Variants in CEP295 observed in about 807,000 individuals in gnomAD.
CEP295 encodes the protein centrosomal protein of 295 kDa.
A neutral mutation model predicts 291.6 loss-of-function variants in CEP295; 190 were observed. The ratio of observed to expected loss-of-function variants is 0.65; its 90% CI spans 0.58 to 0.73. CEP295 has a LOEUF of 0.73. Among genes scored for constraint, CEP295 ranks in the 30% least tolerant of loss-of-function variants. CEP295 has a pLI of 0.00. For missense variants in CEP295, 2,863 were observed against 2,949.4 expected, an observed-to-expected ratio of 0.97 and a Z score of 0.68; for synonymous variants, 993 against 1,038.8, an observed-to-expected ratio of 0.96 and a Z score of 0.85.
At position 93,689,690 on chromosome 11, in the gene CEP295, C is replaced by T. The variant is rs1465623956; in HGVS notation, c.1336+1825C>T. ...TAGCTCTTATCAATATCTGATGGGC[C>T]CAGTAAAGTGACTGGTGCTTATTTT... On this transcript the variant is annotated intron_variant, in intron 10 of 29. Transcript: ENST00000325212. Among the ~76,000 whole-genome samples the T allele has an allele frequency of 2.0e-5, 3 of 152,054 alleles. No homozygotes were observed. The East Asian group carries it at 5.8e-4, about 29-fold the overall frequency.
rs180983846 is a variant in CEP295, at chr11:93,697,918, T to C, written c.3006T>C (p.His1002=). The change falls in exon 15 of 30, where the codon CAT becomes CAC. Residue 1002 remains histidine, a synonymous_variant. Coordinates refer to ENST00000325212, the MANE Select transcript of CEP295 (RefSeq NM_033395.2). ...EPSFPFQVAQ[H]TFTSLPSADT... Reference sequence around the variant, plus strand: ...CTTTCCCATTTCAGGTAGCTCAGCATACATTTACTTCACTACCATCTGCTG... The same window carrying C: ...CTTTCCCATTTCAGGTAGCTCAGCACACATTTACTTCACTACCATCTGCTG... The C allele has an allele frequency of 6.4e-7, 1 of 1,551,710 alleles. No homozygotes were observed. The highest frequency in any genetic ancestry group is 1.4e-5 in the African/African-American group (1 of 73,176).
intron 18 of CEP295, among the ~76,000 whole-genome samples, chr11:93,711,670 T>C (rs1232077212): frequency 6.6e-6 from 1 of 152,032 alleles, no homozygotes; most frequent in African/African-American, 2.4e-5. Flanking sequence ...GCTTAGCTAA[T>C]TTTTGTATTT....
At chr11:93,683,885 C>A in intron 8 of CEP295, 79 bp from the exon 9 acceptor site, 5 of 1,472,716 alleles carry the variant, frequency 3.4e-6, no homozygotes, top group Non-Finnish European at 4.6e-6. Flanking sequence ...GAGACATTAC[C>A]GTGGCCTTTG....
rs1397200785 is a variant in CEP295 at position 93,668,963 on chromosome 11, CTG to C, written c.434+32_434+33del. 4.1e-6 allele frequency: 4 copies of C among 966,446 alleles called. No individual in the cohort carries two copies. The African/African-American group carries it at 6.5e-5, about 16-fold the overall frequency. The allele number at this position is 966,446 out of a possible 1,614,324, so 59.9% of individuals were successfully genotyped here. A position where few individuals can be genotyped will look rare whatever the true frequency, so the allele number is the denominator to read the frequency against. ...GTAATAATTTTTACTATAATCTCAACTGAAACTAACATGGTTGAAAGTAGAGG... is the reference window on the plus strand; with the variant it reads ...GTAATAATTTTTACTATAATCTCAACAAACTAACATGGTTGAAAGTAGAGG... On this transcript the variant is annotated intron_variant, in intron 4 of 29. Coordinates refer to ENST00000325212, the MANE Select transcript of CEP295 (RefSeq NM_033395.2).
intron 9 of CEP295, among the ~76,000 whole-genome samples, chr11:93,686,766 A>G (rs1951263573): frequency 6.6e-6 from 1 of 152,192 alleles, no homozygotes; most frequent in Admixed American, 6.5e-5. Context: ...TAGTCCTGGT[A>G]ATGTTCCACA....
At position 93,687,647 on chromosome 11, in the gene CEP295, C is replaced by G; in HGVS notation, c.1118C>G (p.Pro373Arg). ...AEICSSETDV[P>R]LVMKTQQIPS... Reference sequence around the variant, plus strand: ...TTTCCCTTTTTCTTTCTTTTAGTTCCCTTGGTAATGAAGACCCAACAGATT... The same window carrying G: ...TTTCCCTTTTTCTTTCTTTTAGTTCGCTTGGTAATGAAGACCCAACAGATT... Residue 373 changes from proline (P) to arginine (R), a missense_variant, in exon 10 of 30, where the codon CCC (proline) becomes CGC (arginine). This residue lies in a region of CEP295 where 554 missense variants were observed against 576.0 expected (regional missense o/e 0.96). Transcript: ENST00000325212. 6.7e-7 allele frequency: 1 copy of G among 1,487,252 alleles called. No homozygotes were observed. Among genetic ancestry groups the G allele is most frequent in the Non-Finnish European group, 9.1e-7 (1 of 1,101,102 alleles). The allele number at this position is 1,487,252 out of a possible 1,614,324, so 92.1% of individuals were successfully genotyped here.
intron 5 of CEP295, among the ~76,000 whole-genome samples, chr11:93,671,460 A>G (rs1350253206): frequency 2.0e-5 from 3 of 152,088 alleles, no homozygotes; most frequent in Non-Finnish European, 4.4e-5. Context: ...CTCCATGAGC[A>G]TTTCCTTGCT....
chr11:93,702,886 G>A lies in CEP295; in HGVS notation c.5563G>A (p.Glu1855Lys). 1 of 1,551,314 alleles carries A rather than the reference G, an allele frequency of 6.4e-7. No homozygotes were observed. The highest frequency in any genetic ancestry group is 8.7e-7 in the Non-Finnish European group (1 of 1,146,820). Residue 1855 changes from glutamate to lysine, a missense_variant, in exon 17 of 30, where the codon GAG becomes AAG. Glu to Lys is a moderately conservative substitution (Grantham distance 56). Around this residue, in one of 3 missense-constraint regions of CEP295, gnomAD observed 2,295 missense variants for 2,335.7 expected, o/e 0.98. Coordinates refer to ENST00000325212, the MANE Select transcript of CEP295 (RefSeq NM_033395.2). Reference protein sequence around the residue: ...QHELSAIQEVESPAIGRTSIL... With the variant: ...QHELSAIQEVKSPAIGRTSIL... ...TGAACTTAGTGCTATACAAGAAGTA[G>A]AGTCACCAGCAATTGGCAGAACTTC...
chr11:93,699,742 A>G lies in CEP295; in HGVS notation c.4830A>G (p.Gln1610=). Residue 1610 remains glutamine (Q), a synonymous_variant, in exon 15 of 30, where the codon CAA becomes CAG. Coordinates refer to ENST00000325212, the MANE Select transcript of CEP295 (RefSeq NM_033395.2). The stretch of plus-strand genomic sequence containing the variant: ...ATATGACAGCACAATTGGATGCACA[A>G]AGGGAAGTGATGTATTCTTATGAGA... ...QDNMTAQLDA[Q]REVMYSYEKP... 1.3e-6 allele frequency: 2 copies of G among 1,551,974 alleles called. No homozygotes were observed. The highest frequency in any genetic ancestry group is 1.2e-5 in the South Asian group (1 of 84,058).
At chr11:93,684,263 G>C (rs1043868300) in intron 9 of CEP295, 135 bp downstream of exon 9, 3 of 637,860 alleles carry the variant, frequency 4.7e-6, no homozygotes, top group African/African-American at 3.7e-5. Context: ...AGTAGCTAAA[G>C]GATACAACGT....
At position 93,728,692 on chromosome 11, in the gene CEP295, T is replaced by C; in HGVS notation, c.7173T>C (p.Thr2391=). ...ATTGTGGTTCACAGGAAACAGAAACTGGCCATGGTATAATGGAAGAACCAG... is the reference window on the plus strand; with the variant it reads ...ATTGTGGTTCACAGGAAACAGAAACCGGCCATGGTATAATGGAAGAACCAG... ...QSSIPVWETE[T]GHGIMEEPEL... The change falls in exon 25 of 30, where the codon ACT becomes ACC. Residue 2391 remains threonine (T), a synonymous_variant. Transcript: ENST00000325212. The C allele has an allele frequency of 6.5e-7, 1 of 1,533,574 alleles. No homozygotes were observed. Among genetic ancestry groups the C allele is most frequent in the Non-Finnish European group, 8.8e-7 (1 of 1,141,864 alleles). The allele number at this position is 1,533,574 out of a possible 1,614,324, so 95.0% of individuals were successfully genotyped here.
chr11:93,726,936 T>A lies in CEP295; in HGVS notation c.6500-40T>A, dbSNP rs1172714979. 3 of 1,434,964 alleles carry A rather than the reference T, an allele frequency of 2.1e-6. No individual in the cohort carries two copies. In the Admixed American group the frequency reaches 8.5e-5, roughly 41 times the overall value. 88.9% of individuals were successfully genotyped at this position (1,434,964 alleles called of 1,614,324 possible). ...CTGTCAGTATCCAACTTTTACAACATGTAACGATGATTAACTGATTTTTGA... is the reference window on the plus strand; with the variant it reads ...CTGTCAGTATCCAACTTTTACAACAAGTAACGATGATTAACTGATTTTTGA... On this transcript the variant is annotated intron_variant, in intron 23 of 29. Coordinates refer to ENST00000325212, the MANE Select transcript of CEP295 (RefSeq NM_033395.2).
chr11:93,724,397 A>G, intron 22 of CEP295, 22 bp downstream of exon 22: 2 of 1,539,366 alleles, frequency 1.3e-6, no homozygotes, highest in East Asian at 2.4e-5. Flanking sequence ...TAGATGTCCC[A>G]TTGCAGTGAA....
chr11:93,686,743 C>T (rs1337597247), intron 9 of CEP295, among the ~76,000 whole-genome samples: 1 of 152,036 alleles, frequency 6.6e-6, no homozygotes, highest in Admixed American at 6.5e-5. Context: ...TGGGAAGGGA[C>T]ATGAAGGAAC....
At chr11:93,701,774 T>C (rs952578326) in intron 15 of CEP295, among the ~76,000 whole-genome samples, 4 of 151,494 alleles carry the variant, frequency 2.6e-5, no homozygotes, top group African/African-American at 9.7e-5. Flanking sequence ...CAGCTAACTT[T>C]TGTATTTTTT....
intron 5 of CEP295, among the ~76,000 whole-genome samples, chr11:93,674,390 C>G (rs1330691618): frequency 6.6e-6 from 1 of 152,130 alleles, no homozygotes; most frequent in Non-Finnish European, 1.5e-5. Context: ...CCCTCCCAAC[C>G]TGTGTTGCAT....
intron 5 of CEP295, among the ~76,000 whole-genome samples, chr11:93,674,225 A>G (rs10765626): frequency 0.9 from 137,294 of 152,134 alleles, 63,098 homozygotes; most frequent in Non-Finnish European, 0.99. Flanking sequence ...GGCCTCCCAA[A>G]GTGCTGAGAT....
intron 15 of CEP295, among the ~76,000 whole-genome samples, chr11:93,702,021 C>T (rs972133168): frequency 2.0e-5 from 3 of 148,998 alleles, no homozygotes; most frequent in Non-Finnish European, 4.5e-5. Context: ...TGCAGTGGCA[C>T]GATCTTGGCT....
At chr11:93,672,527 ATCC>A in intron 5 of CEP295, among the ~76,000 whole-genome samples, 1 of 152,050 alleles carries the variant, frequency 6.6e-6, no homozygotes, top group East Asian at 1.9e-4. Flanking sequence ...GGCTAAAGCA[ATCC>A]TCCTGCTTCC....
Sources: allele counts gnomAD v4.1 joint callset (sites outside exome capture counted in the v4.1 genomes callset), GRCh38; gene constraint gnomAD v4.1.1; regional missense constraint gnomAD v4.1.1; transcripts MANE v1.5; gene names NCBI Gene and HGNC (gene_info 2026-07-23, HGNC 2026-07-21).